Variants in PDE4D observed in about 807,000 individuals in gnomAD.
PDE4D encodes the protein phosphodiesterase 4D.
PDE4D carries 24 observed loss-of-function variants against 87.4 expected under a neutral mutation model. That is an observed-to-expected ratio of 0.27 (90% CI 0.20 to 0.39). The LOEUF is 0.39. Ranked by LOEUF, PDE4D falls within the 10% of genes least tolerant of loss-of-function variation. The probability of loss-of-function intolerance (pLI) is 1.00; values close to 1 mark genes in which losing one functional copy is unlikely to be tolerated. For missense variants in PDE4D, 714 were observed against 1,041.0 expected (o/e 0.69, Z 4.32); for synonymous variants, 384 against 383.2 (o/e 1.00, Z -0.02).
intron 1 of PDE4D, among the ~76,000 whole-genome samples, chr5:59,283,171 T>TA (rs1358593299): frequency 6.6e-6 from 1 of 152,190 alleles, no homozygotes; most frequent in East Asian, 1.9e-4. Context: ...AAGGAATCAA[T>TA]AAATAATATC....
intron 3 of PDE4D, among the ~76,000 whole-genome samples, chr5:59,937,549 C>T (rs2152795112): frequency 6.6e-6 from 1 of 152,288 alleles, no homozygotes; most frequent in South Asian, 2.1e-4. Flanking sequence ...AGATAGCTAC[C>T]TTCTCACTGT....
At chr5:60,179,056 C>T (rs1443499968) in intron 2 of PDE4D, among the ~76,000 whole-genome samples, 4 of 152,090 alleles carry the variant, frequency 2.6e-5, no homozygotes. Flanking sequence ...GAAGTCCAGA[C>T]TACCTGAGTA....
intron 1 of PDE4D, among the ~76,000 whole-genome samples, chr5:59,689,473 A>G (rs1323347006): frequency 2.6e-5 from 4 of 152,204 alleles, no homozygotes; most frequent in Non-Finnish European, 4.4e-5. Context: ...CAAAAGCCAC[A>G]TGATTCTCTC....
chr5:58,991,020 C>A (rs1747794527), intron 8 of PDE4D, 118 bp from the exon 9 acceptor site: 1 of 619,752 alleles, frequency 1.6e-6, no homozygotes, highest in African/African-American at 1.9e-5. Context: ...GAGGCTCAAG[C>A]CTGTAATCCC....
chr5:59,096,041 T>C (rs551343383), intron 5 of PDE4D, among the ~76,000 whole-genome samples: 29 of 151,936 alleles, frequency 1.9e-4, no homozygotes, highest in African/African-American at 6.8e-4. Flanking sequence ...ATAAAGGGAG[T>C]GGGAGCATCT....
intron 1 of PDE4D, among the ~76,000 whole-genome samples, chr5:59,316,368 C>CT (rs985458022): frequency 1.3e-5 from 2 of 151,084 alleles, no homozygotes; most frequent in African/African-American, 2.4e-5. Context: ...GAACATAGAA[C>CT]TTTTTTTTTA....
chr5:59,128,872 C>A (rs1775885577), intron 5 of PDE4D, among the ~76,000 whole-genome samples: 1 of 152,204 alleles, frequency 6.6e-6, no homozygotes. Flanking sequence ...GCAGCTTACA[C>A]CTGGTTCAAC....
intron 1 of PDE4D, among the ~76,000 whole-genome samples, chr5:59,346,714 AG>A (rs1328371591): frequency 6.6e-6 from 1 of 152,140 alleles, no homozygotes; most frequent in East Asian, 1.9e-4. Context: ...TCTTCCACAC[AG>A]GAGGACAGAG....
intron 1 of PDE4D, among the ~76,000 whole-genome samples, chr5:60,401,300 G>A (rs1424755640): frequency 6.6e-6 from 1 of 152,138 alleles, no homozygotes; most frequent in African/African-American, 2.4e-5. Flanking sequence ...TTTATGGTTA[G>A]GCTTTTGATG....
chr5:59,149,539 G>A (rs759295621), intron 5 of PDE4D, among the ~76,000 whole-genome samples: 1 of 152,004 alleles, frequency 6.6e-6, no homozygotes, highest in Non-Finnish European at 1.5e-5. Context: ...GACAAACAGC[G>A]GTTGTAAAGA....
At chr5:59,033,662 C>T (rs568406765) in intron 6 of PDE4D, among the ~76,000 whole-genome samples, 2 of 152,264 alleles carry the variant, frequency 1.3e-5, no homozygotes, top group South Asian at 4.1e-4. Flanking sequence ...CATCCTTTCT[C>T]TCTAGAAAAA....
intron 1 of PDE4D, among the ~76,000 whole-genome samples, chr5:59,463,829 T>A (rs1801130601): frequency 6.6e-6 from 1 of 152,184 alleles, no homozygotes; most frequent in African/African-American, 2.4e-5. Flanking sequence ...TGTGTCTGTG[T>A]AGAAAGAAGT....
chr5:60,259,982 T>C (rs988023509), intron 1 of PDE4D, among the ~76,000 whole-genome samples: 3 of 152,026 alleles, frequency 2.0e-5, no homozygotes, highest in Non-Finnish European at 4.4e-5. Flanking sequence ...ACTATAGTTG[T>C]ATACTTTCAG....
intron 1 of PDE4D, among the ~76,000 whole-genome samples, chr5:60,269,212 T>G (rs1298688869): frequency 7.2e-5 from 11 of 152,046 alleles, no homozygotes; most frequent in Non-Finnish European, 1.6e-4. Context: ...GAGGCCGAGG[T>G]AGGAGAATCG....
intron 1 of PDE4D, among the ~76,000 whole-genome samples, chr5:59,891,695 A>G (rs1489818787): frequency 1.3e-5 from 2 of 152,196 alleles, no homozygotes; most frequent in Non-Finnish European, 2.9e-5. Flanking sequence ...GGCTAAGAGC[A>G]TATATGCAAG....
intron 2 of PDE4D, among the ~76,000 whole-genome samples, chr5:60,084,388 A>ATG (rs1774300182): frequency 1.6e-5 from 2 of 125,900 alleles, no homozygotes; most frequent in African/African-American, 2.9e-5. Context: ...TCGCATCTTA[A>ATG]CGTGTGTGTG....
intron 1 of PDE4D, among the ~76,000 whole-genome samples, chr5:60,459,693 T>C (rs1017753485): frequency 1.3e-5 from 2 of 152,110 alleles, no homozygotes; most frequent in African/African-American, 2.4e-5. Context: ...ACTTTTCCCA[T>C]TGTATTCTGC....
intron 1 of PDE4D, among the ~76,000 whole-genome samples, chr5:60,194,920 A>G (rs771705866): frequency 6.6e-6 from 1 of 151,632 alleles, no homozygotes; most frequent in Non-Finnish European, 1.5e-5. Context: ...TTTACATGGT[A>G]AGTAGGAGTC....
intron 1 of PDE4D, among the ~76,000 whole-genome samples, chr5:59,459,402 C>T (rs1283226759): frequency 6.6e-6 from 1 of 152,160 alleles, no homozygotes; most frequent in Non-Finnish European, 1.5e-5. Flanking sequence ...ACATTCTATA[C>T]ATTTTGGCTT....
Sources: allele counts gnomAD v4.1 joint callset (sites outside exome capture counted in the v4.1 genomes callset), GRCh38; gene constraint gnomAD v4.1.1; transcripts MANE v1.5; gene names NCBI Gene and HGNC (gene_info 2026-07-23, HGNC 2026-07-21).